Variants in PIP4K2A observed in about 807,000 individuals in gnomAD.
The protein encoded by PIP4K2A is phosphatidylinositol 5-phosphate 4-kinase type-2 alpha.
In PIP4K2A, 14 loss-of-function variants were observed where a neutral mutation model predicts 42.9. That is an observed-to-expected ratio of 0.33 (90% CI 0.22 to 0.51). PIP4K2A has a LOEUF of 0.51. PIP4K2A is among the 20% of genes least tolerant of loss of function. The pLI, the probability that PIP4K2A is intolerant of heterozygous loss-of-function variation, is 0.97. For missense variants in PIP4K2A, 434 were observed against 519.8 expected (o/e 0.83, Z 1.61); for synonymous variants, 192 against 192.2 (o/e 1.00, Z 0.01).
intron 6 of PIP4K2A, among the ~76,000 whole-genome samples, chr10:22,552,031 A>G (rs1205180485): frequency 6.6e-6 from 1 of 152,264 alleles, no homozygotes. Flanking sequence ...GAGAAAATTT[A>G]AACAGTTTTG....
chr10:22,558,426 A>G (rs1822802523), intron 6 of PIP4K2A, among the ~76,000 whole-genome samples: 1 of 152,202 alleles, frequency 6.6e-6, no homozygotes, highest in Non-Finnish European at 1.5e-5. Context: ...TTTGGTATCA[A>G]TTCTGGGGTA....
chr10:22,584,719 T>C (rs1837353574), intron 4 of PIP4K2A, among the ~76,000 whole-genome samples: 1 of 152,174 alleles, frequency 6.6e-6, no homozygotes, highest in African/African-American at 2.4e-5. Flanking sequence ...TACCTTCCCC[T>C]GTTTCTAAGA....
At chr10:22,685,435 C>T (rs1839745224) in intron 1 of PIP4K2A, among the ~76,000 whole-genome samples, 1 of 152,146 alleles carries the variant, frequency 6.6e-6, no homozygotes, top group African/African-American at 2.4e-5. Flanking sequence ...TGGCTTGCAC[C>T]TGTGATCCCA....
At chr10:22,598,224 G>A (rs1219139294) in intron 3 of PIP4K2A, among the ~76,000 whole-genome samples, 1 of 152,100 alleles carries the variant, frequency 6.6e-6, no homozygotes, top group Non-Finnish European at 1.5e-5. Context: ...CGGATGTGGT[G>A]GTGCGTGCCT....
At chr10:22,598,543 C>T (rs899235099) in intron 3 of PIP4K2A, among the ~76,000 whole-genome samples, 1 of 152,214 alleles carries the variant, frequency 6.6e-6, no homozygotes, top group Non-Finnish European at 1.5e-5. Flanking sequence ...GGCCCCTGCT[C>T]ACTTCCCTGT....
At chr10:22,682,967 T>G (rs1267935295) in intron 1 of PIP4K2A, among the ~76,000 whole-genome samples, 2 of 152,208 alleles carry the variant, frequency 1.3e-5, no homozygotes, top group Non-Finnish European at 1.5e-5. Context: ...CCATGTCACC[T>G]GCTGTCTTCT....
At chr10:22,552,721 G>A (rs1026193992) in intron 6 of PIP4K2A, among the ~76,000 whole-genome samples, 2 of 152,186 alleles carry the variant, frequency 1.3e-5, no homozygotes, top group South Asian at 2.1e-4. Flanking sequence ...CACAAAAACA[G>A]GAGAGATGGA....
Position 22,537,204 on chromosome 10 carries a change from C to T in PIP4K2A, c.1218G>A (p.Thr406=), listed in dbSNP as rs1024042716. 1.1e-5 allele frequency: 18 copies of T among 1,601,192 alleles called. No individual in the cohort carries two copies. The highest frequency in any genetic ancestry group is 4.0e-5 in the African/African-American group (3 of 74,524). ...RFLDFIGHIL[T] Reference sequence around the variant, plus strand: ...CTGTCCGAGGCTGCGCAGGAGGTTACGTCAAGATGTGGCCAATAAAGTCCA... The same window carrying T: ...CTGTCCGAGGCTGCGCAGGAGGTTATGTCAAGATGTGGCCAATAAAGTCCA... The change falls in exon 10 of 10, where the codon ACG becomes ACA. Residue 406 remains threonine, a synonymous_variant. Transcript: ENST00000376573.
intron 1 of PIP4K2A, among the ~76,000 whole-genome samples, chr10:22,700,391 C>T (rs1197052724): frequency 1.3e-5 from 2 of 152,120 alleles, no homozygotes; most frequent in Non-Finnish European, 2.9e-5. Context: ...CTTTATAAAC[C>T]CCACTTTCTT....
chr10:22,555,625 C>A (rs1378336268), intron 6 of PIP4K2A, among the ~76,000 whole-genome samples: 3 of 152,068 alleles, frequency 2.0e-5, no homozygotes, highest in Non-Finnish European at 2.9e-5. Flanking sequence ...AATACTGTAC[C>A]TATGTAATAG....
chr10:22,614,327 C>A (rs1838123981), intron 1 of PIP4K2A, among the ~76,000 whole-genome samples: 1 of 152,218 alleles, frequency 6.6e-6, no homozygotes, highest in African/African-American at 2.4e-5. Flanking sequence ...TATAGTCTAA[C>A]CTCTCATTTT....
At chr10:22,639,965 T>C (rs1035900375) in intron 1 of PIP4K2A, among the ~76,000 whole-genome samples, 1 of 151,098 alleles carries the variant, frequency 6.6e-6, no homozygotes, top group African/African-American at 2.4e-5. Context: ...AACTGGCGGT[T>C]TACCAAGAAG....
At chr10:22,709,257 A>AT (rs1833874236) in intron 1 of PIP4K2A, among the ~76,000 whole-genome samples, 1 of 152,198 alleles carries the variant, frequency 6.6e-6, no homozygotes, top group Non-Finnish European at 1.5e-5. Context: ...TGTGCTAATT[A>AT]CAGTGCTAGG....
At chr10:22,627,609 A>T (rs1588672946) in intron 1 of PIP4K2A, among the ~76,000 whole-genome samples, 1 of 138,674 alleles carries the variant, frequency 7.2e-6, no homozygotes, top group East Asian at 2.2e-4. Context: ...AAAAAAAAAA[A>T]AAAAAAAAAA....
intron 4 of PIP4K2A, among the ~76,000 whole-genome samples, chr10:22,576,951 G>A (rs1238742910): frequency 2.6e-5 from 4 of 151,964 alleles, no homozygotes; most frequent in African/African-American, 7.3e-5. Context: ...GTGCATGCCT[G>A]TAGTCCCAGC....
At chr10:22,687,971 T>G (rs145119704) in intron 1 of PIP4K2A, among the ~76,000 whole-genome samples, 1 of 152,248 alleles carries the variant, frequency 6.6e-6, no homozygotes, top group African/African-American at 2.4e-5. Flanking sequence ...GTGAATCCCA[T>G]AGCATCATGT....
At chr10:22,670,211 T>A (rs1299663157) in intron 1 of PIP4K2A, among the ~76,000 whole-genome samples, 1 of 152,110 alleles carries the variant, frequency 6.6e-6, no homozygotes, top group Non-Finnish European at 1.5e-5. Context: ...AAATCCCATC[T>A]CTACAAAAAC....
In PIP4K2A at chr10:22,535,456, C is replaced by T. The variant is rs959678435; in HGVS notation, c.*1745G>A. ...GCACGACTGCTGGCTTCCAAAGACT[C>T]TGTGAACTAGATCCACATACACGGG... On this transcript the variant is annotated 3_prime_UTR_variant, in exon 10 of 10. Coordinates refer to ENST00000376573, the MANE Select transcript of PIP4K2A (RefSeq NM_005028.5). The T allele has an allele frequency of 1.3e-5, 2 of 152,242 alleles. No homozygotes were observed. Among genetic ancestry groups the T allele is most frequent in the African/African-American group, 4.8e-5 (2 of 41,468 alleles). The allele number at this position is 152,242 out of a possible 1,614,324, so 9.4% of individuals were successfully genotyped here. A position where few individuals can be genotyped will look rare whatever the true frequency, so the allele number is the denominator to read the frequency against.
chr10:22,657,605 T>C (rs577172681), intron 1 of PIP4K2A, among the ~76,000 whole-genome samples: 7 of 152,228 alleles, frequency 4.6e-5, no homozygotes, highest in Non-Finnish European at 7.3e-5. Flanking sequence ...CCAATTTAGA[T>C]TCTACAATGG....
Sources: allele counts gnomAD v4.1 joint callset (sites outside exome capture counted in the v4.1 genomes callset), GRCh38; gene constraint gnomAD v4.1.1; transcripts MANE v1.5; gene names NCBI Gene and HGNC (gene_info 2026-07-23, HGNC 2026-07-21).